The following CERT1 variants were observed in gnomAD, a reference collection of about 807,000 sequenced individuals.
The protein encoded by CERT1 is ceramide transfer protein.
In CERT1, 31 loss-of-function variants were observed where a neutral mutation model predicts 87.9. The ratio of observed to expected loss-of-function variants is 0.35; its 90% CI spans 0.27 to 0.48. The LOEUF is 0.48. Ranked by LOEUF, CERT1 falls within the 20% of genes least tolerant of loss-of-function variation. The pLI, the probability that CERT1 is intolerant of heterozygous loss-of-function variation, is 0.99. For synonymous variants in CERT1, 289 were observed against 250.9 expected (o/e 1.15, Z -1.44); for missense variants, 487 against 758.0 (o/e 0.64, Z 4.20).
intron 3 of CERT1, among the ~76,000 whole-genome samples, chr5:75,452,257 A>G (rs765304822): frequency 1.2e-4 from 19 of 152,194 alleles, no homozygotes; most frequent in South Asian, 4.1e-4. Flanking sequence ...CCCTAATTTT[A>G]TATTTTCATA....
At chr5:75,494,365 G>C (rs994484127) in intron 2 of CERT1, among the ~76,000 whole-genome samples, 2 of 152,210 alleles carry the variant, frequency 1.3e-5, no homozygotes, top group Non-Finnish European at 2.9e-5. Context: ...TTGTTGGCCA[G>C]AGTTTGGAAG....
chr5:75,413,097 A>T (rs1762996956), intron 7 of CERT1, among the ~76,000 whole-genome samples: 1 of 152,044 alleles, frequency 6.6e-6, no homozygotes, highest in Non-Finnish European at 1.5e-5. Flanking sequence ...TATTTTTTTT[A>T]ACTTTTTAAA....
rs1309395643 is a variant in CERT1, at chr5:75,378,536, T to C, written c.*810A>G. 6.6e-6 allele frequency: 1 copy of C among 152,210 alleles called. No homozygotes were observed. The highest frequency in any genetic ancestry group is 1.5e-5 in the Non-Finnish European group (1 of 68,048). 9.4% of individuals were successfully genotyped at this position (152,210 alleles called of 1,614,324 possible). On this transcript the variant is annotated 3_prime_UTR_variant, in exon 17 of 17. Coordinates refer to ENST00000643780, the MANE Select transcript of CERT1 (RefSeq NM_001379029.1). ...CAGACATTAACATGGGACTAGTTAA[T>C]AAATTCTGCAACATGCATGTAACAG... is the stretch of plus-strand genomic sequence containing the variant.
At chr5:75,409,370 C>T (rs920882053) in intron 8 of CERT1, among the ~76,000 whole-genome samples, 56 of 152,300 alleles carry the variant, frequency 3.7e-4, no homozygotes, top group African/African-American at 1.3e-3. Flanking sequence ...AAAAATTCAG[C>T]AACAGCAGAG....
rs902704792 is a variant in CERT1 at position 75,400,269 on chromosome 5, C to A, written c.1046G>T (p.Trp349Leu). ...ATCTCCAGAGGGCAAGGATGTAGGC[C>A]AATGTAATCTCACCTTTTCACTCTG... ...QSQSEKVRLH[W>L]PTSLPSGDAF... Residue 349 changes from tryptophan to leucine, a missense_variant, in exon 10 of 17, where the codon TGG (tryptophan) becomes TTG (leucine). Around this residue, in one of 8 missense-constraint regions of CERT1, gnomAD observed 91 missense variants for 86.7 expected, o/e 1.05. Coordinates refer to ENST00000643780, the MANE Select transcript of CERT1 (RefSeq NM_001379029.1). 6.2e-7 allele frequency: 1 copy of A among 1,613,172 alleles called. No homozygotes were observed. Among genetic ancestry groups the A allele is most frequent in the Admixed American group, 1.7e-5 (1 of 59,976 alleles).
At chr5:75,507,790 C>T (rs13155563) in intron 1 of CERT1, among the ~76,000 whole-genome samples, 145,560 of 152,280 alleles carry the variant, frequency 0.96, 69,610 homozygotes, top group East Asian at 1. Flanking sequence ...GACTGACGGC[C>T]GAATAAAATA....
chr5:75,509,275 A>G (rs1441211250), intron 1 of CERT1, among the ~76,000 whole-genome samples: 1 of 152,198 alleles, frequency 6.6e-6, no homozygotes, highest in Non-Finnish European at 1.5e-5. Context: ...GGTGAATACA[A>G]AGAATTCAAA....
intron 2 of CERT1, among the ~76,000 whole-genome samples, chr5:75,464,981 T>C (rs1253038225): frequency 6.6e-6 from 1 of 152,210 alleles, no homozygotes; most frequent in Non-Finnish European, 1.5e-5. Flanking sequence ...ACAGCTAAAA[T>C]GATGGCAGGT....
intron 3 of CERT1, among the ~76,000 whole-genome samples, chr5:75,443,561 A>G (rs1205159851): frequency 6.6e-6 from 1 of 152,198 alleles, no homozygotes; most frequent in Non-Finnish European, 1.5e-5. Context: ...TTATTTCAAA[A>G]TGGAATAAGA....
intron 2 of CERT1, among the ~76,000 whole-genome samples, chr5:75,498,595 C>A (rs193134933): frequency 2.2e-4 from 34 of 152,348 alleles, no homozygotes; most frequent in African/African-American, 7.9e-4. Context: ...GGCTTTCCCA[C>A]GGTGTTGGGC....
intron 11 of CERT1, among the ~76,000 whole-genome samples, chr5:75,392,207 G>A (rs1410217866): frequency 6.6e-6 from 1 of 152,142 alleles, no homozygotes; most frequent in Non-Finnish European, 1.5e-5. Flanking sequence ...TTTCTAGATA[G>A]GCAAAAAATG....
At chr5:75,443,814 T>C (rs1209762194) in intron 3 of CERT1, among the ~76,000 whole-genome samples, 1 of 152,226 alleles carries the variant, frequency 6.6e-6, no homozygotes, top group Admixed American at 6.5e-5. Flanking sequence ...TTCATATTAT[T>C]TTGATGGTCT....
chr5:75,511,254 G>A lies in CERT1; in HGVS notation c.-47C>T, dbSNP rs2112493757. 3.7e-6 allele frequency: 6 copies of A among 1,603,432 alleles called. No individual in the cohort carries two copies. Among genetic ancestry groups the A allele is most frequent in the African/African-American group, 1.3e-5 (1 of 74,856 alleles). On this transcript the variant is annotated 5_prime_UTR_variant, in exon 1 of 17. Coordinates refer to ENST00000643780, the MANE Select transcript of CERT1 (RefSeq NM_001379029.1). ...GAGACCGGCCCCCGCTCCCTCAGCTGCGCCGGAGGAGGCGCCCAGTCCTCG... is the reference window on the plus strand; with the variant it reads ...GAGACCGGCCCCCGCTCCCTCAGCTACGCCGGAGGAGGCGCCCAGTCCTCG...
intron 2 of CERT1, among the ~76,000 whole-genome samples, chr5:75,494,849 T>C (rs917519742): frequency 6.6e-6 from 1 of 152,230 alleles, no homozygotes; most frequent in Non-Finnish European, 1.5e-5. Context: ...TTTAGCCCCA[T>C]TTCTTTTCTT....
chr5:75,402,589 G>A (rs1376102416), intron 9 of CERT1: 1 of 158,072 alleles, frequency 6.3e-6, no homozygotes, highest in East Asian at 1.8e-4. Flanking sequence ...ATGAGCTCTG[G>A]AGTTCGAGAC....
At chr5:75,414,505 A>G (rs1449456175) in intron 7 of CERT1, among the ~76,000 whole-genome samples, 1 of 152,196 alleles carries the variant, frequency 6.6e-6, no homozygotes, top group Non-Finnish European at 1.5e-5. Flanking sequence ...CTGTGAATCT[A>G]ATAATGTAAG....
intron 2 of CERT1, among the ~76,000 whole-genome samples, chr5:75,501,846 G>C (rs772427580): frequency 3.3e-5 from 5 of 151,896 alleles, no homozygotes; most frequent in Non-Finnish European, 7.4e-5. Flanking sequence ...ACTTCCACAG[G>C]AATCAAAATT....
intron 2 of CERT1, among the ~76,000 whole-genome samples, chr5:75,502,700 G>A (rs1233716738): frequency 9.2e-5 from 14 of 152,016 alleles, no homozygotes; most frequent in Non-Finnish European, 2.9e-5. Context: ...CTAAAAAGCA[G>A]CATGTACTTC....
chr5:75,476,962 C>T (rs992465498), intron 2 of CERT1, among the ~76,000 whole-genome samples: 3 of 152,088 alleles, frequency 2.0e-5, no homozygotes, highest in African/African-American at 7.2e-5. Flanking sequence ...CCCCAAATTC[C>T]CAAATTAACA....
Sources: allele counts gnomAD v4.1 joint callset (sites outside exome capture counted in the v4.1 genomes callset), GRCh38; gene constraint gnomAD v4.1.1; regional missense constraint gnomAD v4.1.1; transcripts MANE v1.5; gene names NCBI Gene and HGNC (gene_info 2026-07-23, HGNC 2026-07-21).